Variants in FSTL5 observed in about 807,000 individuals in gnomAD.
FSTL5 encodes follistatin-related protein 5.
A neutral mutation model predicts 89.1 loss-of-function variants in FSTL5; 62 were observed. The ratio of observed to expected loss-of-function variants is 0.70; its 90% CI spans 0.57 to 0.86. The LOEUF is 0.86. Ranked by LOEUF, FSTL5 falls within the 40% of genes least tolerant of loss-of-function variation. The pLI is 0.00. For missense variants in FSTL5, 1,057 were observed against 1,001.6 expected, an observed-to-expected ratio of 1.06 and a Z score of -0.75; for synonymous variants, 383 against 346.2, an observed-to-expected ratio of 1.11 and a Z score of -1.18.
intron 4 of FSTL5, among the ~76,000 whole-genome samples, chr4:161,815,874 AATGT>A (rs1730310227): frequency 6.6e-6 from 1 of 152,192 alleles, no homozygotes; most frequent in Non-Finnish European, 1.5e-5. Flanking sequence ...TAGTTTGTTA[AATGT>A]ATTAATTTGA....
At chr4:161,703,850 T>C (rs1276939858) in intron 6 of FSTL5, among the ~76,000 whole-genome samples, 1 of 152,186 alleles carries the variant, frequency 6.6e-6, no homozygotes, top group African/African-American at 2.4e-5. Flanking sequence ...TTATATTTCA[T>C]CTTTTTCTTT....
chr4:161,686,692 T>C (rs1737758513), intron 6 of FSTL5, among the ~76,000 whole-genome samples: 1 of 152,080 alleles, frequency 6.6e-6, no homozygotes, highest in African/African-American at 2.4e-5. Flanking sequence ...TATTACCTTC[T>C]GTAGATGCAA....
Position 161,760,201 on chromosome 4 carries a change from C to G in FSTL5, c.607-670G>C, listed in dbSNP as rs142249833. On this transcript the variant is annotated intron_variant, in intron 5 of 15. Transcript: ENST00000306100. ...CATCAAACTTCTATTCTAGTCTGTG[C>G]TCTAGTCTATGGACTGCGGCTGCAG... Among the ~76,000 whole-genome samples, 746 of 152,254 alleles carry G rather than the reference C, an allele frequency of 4.9e-3. 5 individuals carry two copies. Among genetic ancestry groups the G allele is most frequent in the African/African-American group, 0.017 (711 of 41,552 alleles).
Position 161,550,557 on chromosome 4 carries a change from TTTTATTTATTTATTTA to T in FSTL5, c.1016-7880_1016-7865del, listed in dbSNP as rs35953683. Among the ~76,000 whole-genome samples, 33 of 142,300 alleles carry T rather than the reference TTTTATTTATTTATTTA, an allele frequency of 2.3e-4. 1 individual carries two copies. In the East Asian group the frequency reaches 4.7e-3, roughly 20 times the overall value. The allele number at this position is 142,300 out of a possible 152,430, so 93.4% of individuals were successfully genotyped here. On this transcript the variant is annotated intron_variant, in intron 8 of 15. Coordinates refer to ENST00000306100, the MANE Select transcript of FSTL5 (RefSeq NM_020116.5). ...TATTTTATTTTTTCAGTAACTTCTT[TTTTATTTATTTATTTA>T]TTTATTTATTTATTTATTTATTATT...
At chr4:161,895,235 AAAT>A (rs1303744480) in intron 4 of FSTL5, among the ~76,000 whole-genome samples, 1 of 152,208 alleles carries the variant, frequency 6.6e-6, no homozygotes, top group Non-Finnish European at 1.5e-5. Flanking sequence ...TTATATTTCC[AAAT>A]AATATGAGAA....
At chr4:161,872,051 G>T (rs1579158192) in intron 4 of FSTL5, among the ~76,000 whole-genome samples, 1 of 150,080 alleles carries the variant, frequency 6.7e-6, no homozygotes, top group East Asian at 2.0e-4. Context: ...GAGTGCAGTG[G>T]TGTGATCTCG....
intron 4 of FSTL5, among the ~76,000 whole-genome samples, chr4:161,838,723 G>GGA (rs907891840): frequency 1.3e-5 from 2 of 151,732 alleles, no homozygotes; most frequent in East Asian, 1.9e-4. Flanking sequence ...ATATATATAG[G>GGA]GAGAGAGAGA....
intron 2 of FSTL5, among the ~76,000 whole-genome samples, chr4:162,080,730 C>T (rs1404828057): frequency 4.6e-5 from 7 of 151,442 alleles, no homozygotes; most frequent in Non-Finnish European, 8.9e-5. Flanking sequence ...TGGATAAAAG[C>T]CCCCATACCC....
chr4:161,717,109 G>C lies in FSTL5; in HGVS notation c.727+42302C>G, dbSNP rs565909504. 9.9e-5 allele frequency among the ~76,000 whole-genome samples: 15 copies of C among 152,270 alleles called. No individual in the cohort carries two copies. The South Asian group carries it at 1.9e-3, about 19-fold the overall frequency. ...TAGATAATTGTTTTTGGTAGGTGGT[G>C]ATTCTTGTTTAAGACACAAATGTAC... On this transcript the variant is annotated intron_variant, in intron 6 of 15. Transcript: ENST00000306100.
intron 8 of FSTL5, among the ~76,000 whole-genome samples, chr4:161,570,568 A>T (rs1732971301): frequency 6.6e-6 from 1 of 152,168 alleles, no homozygotes; most frequent in Admixed American, 6.6e-5. Flanking sequence ...TAAGTAGAGG[A>T]GGGATGTGAC....
chr4:161,855,062 T>C (rs1219983441), intron 4 of FSTL5, among the ~76,000 whole-genome samples: 3 of 47,510 alleles, frequency 6.3e-5, no homozygotes, highest in Non-Finnish European at 1.5e-4. Flanking sequence ...TATTAAGTTC[T>C]ACAGTTTGGA....
intron 8 of FSTL5, among the ~76,000 whole-genome samples, chr4:161,546,783 T>C (rs1732022812): frequency 6.6e-6 from 1 of 151,920 alleles, no homozygotes; most frequent in South Asian, 2.1e-4. Context: ...ATAACACCAA[T>C]CTTATACAAG....
intron 1 of FSTL5, among the ~76,000 whole-genome samples, chr4:162,119,626 T>C (rs534217074): frequency 1.3e-5 from 2 of 152,344 alleles, no homozygotes; most frequent in Non-Finnish European, 2.9e-5. Flanking sequence ...TAGATCAGGG[T>C]AAGTTGCATA....
intron 7 of FSTL5, among the ~76,000 whole-genome samples, chr4:161,655,001 T>A (rs1393064361): frequency 3.3e-5 from 5 of 152,134 alleles, no homozygotes; most frequent in Non-Finnish European, 7.4e-5. Flanking sequence ...AAATTCCAAA[T>A]TTCTAAAAAT....
intron 3 of FSTL5, among the ~76,000 whole-genome samples, chr4:161,935,082 T>G (rs2110906041): frequency 6.6e-6 from 1 of 152,230 alleles, no homozygotes; most frequent in African/African-American, 2.4e-5. Context: ...ATTTCATATA[T>G]TTTAGGCAAT....
chr4:161,827,330 C>G (rs1262262797), intron 4 of FSTL5, among the ~76,000 whole-genome samples: 1 of 152,264 alleles, frequency 6.6e-6, no homozygotes, highest in Non-Finnish European at 1.5e-5. Flanking sequence ...CCATGGATAA[C>G]AGCATCTGCT....
At chr4:161,966,056 TA>T (rs1735318207) in intron 3 of FSTL5, among the ~76,000 whole-genome samples, 2 of 152,168 alleles carry the variant, frequency 1.3e-5, no homozygotes, top group African/African-American at 4.8e-5. Context: ...AGTTTGTTTA[TA>T]TATACAAGTT....
intron 4 of FSTL5, among the ~76,000 whole-genome samples, chr4:161,806,959 T>C (rs190447854): frequency 6.6e-6 from 1 of 152,164 alleles, no homozygotes; most frequent in Non-Finnish European, 1.5e-5. Flanking sequence ...TTAACATGTT[T>C]AGTTATTAAT....
intron 10 of FSTL5, among the ~76,000 whole-genome samples, chr4:161,524,051 C>T (rs1433589560): frequency 6.6e-6 from 1 of 152,046 alleles, no homozygotes; most frequent in East Asian, 1.9e-4. Flanking sequence ...CTCATTATAC[C>T]TCTCTGGCAT....
Sources: gnomAD v4.1 joint callset for allele counts (sites outside exome capture counted in the v4.1 genomes callset) on GRCh38, gnomAD v4.1.1 for gene constraint, MANE v1.5 for transcripts, NCBI Gene and HGNC (gene_info 2026-07-23, HGNC 2026-07-21) for gene names.